The following CHSY3 variants were observed in gnomAD, a reference collection of about 807,000 sequenced individuals.
CHSY3 encodes N-acetylgalactosaminyl-proteoglycan 3-beta-glucuronosyltransferase 3.
A neutral mutation model predicts 67.2 loss-of-function variants in CHSY3; 35 were observed. That is an observed-to-expected ratio of 0.52 (90% confidence interval 0.40 to 0.69). The LOEUF is 0.69. Ranked by LOEUF, CHSY3 falls within the 30% of genes least tolerant of loss-of-function variation. The pLI is 0.00. For synonymous variants in CHSY3, 474 were observed against 434.7 expected (o/e 1.09, Z -1.12); for missense variants, 1,069 against 1,138.5 (o/e 0.94, Z 0.88).
chr5:129,924,575 G>C (rs977356602), intron 2 of CHSY3, among the ~76,000 whole-genome samples: 2 of 151,024 alleles, frequency 1.3e-5, no homozygotes, highest in Non-Finnish European at 2.9e-5. Flanking sequence ...GAACCTGGGA[G>C]GCAGAGGTTG....
rs75056997 is a variant in CHSY3, at chr5:130,120,869, C to T, written c.1087-63360C>T. Among the ~76,000 whole-genome samples the T allele has an allele frequency of 6.2e-3, 941 of 152,276 alleles. 10 individuals are homozygous for T. The highest frequency in any genetic ancestry group is 0.022 in the African/African-American group (910 of 41,546). ...AGAGCAACCAAATGTTAGAATGTGG[C>T]CTGCACACCGCTTTCCATATCCCTG... On this transcript the variant is annotated intron_variant, in intron 2 of 2. Transcript: ENST00000305031.
intron 2 of CHSY3, among the ~76,000 whole-genome samples, chr5:130,062,451 G>T (rs1295807670): frequency 1.3e-5 from 2 of 152,036 alleles, no homozygotes; most frequent in Non-Finnish European, 2.9e-5. Context: ...CAGATAAAAT[G>T]TTCACTATTT....
intron 2 of CHSY3, among the ~76,000 whole-genome samples, chr5:129,927,413 A>T (rs996772018): frequency 6.6e-6 from 1 of 152,054 alleles, no homozygotes; most frequent in Admixed American, 6.6e-5. Flanking sequence ...GTGTTTGTAG[A>T]TTAAAAAATC....
chr5:130,178,253 A>ATATATATTTTTTTT (rs1205782386), intron 2 of CHSY3, among the ~76,000 whole-genome samples: 4 of 45,914 alleles, frequency 8.7e-5, no homozygotes, highest in African/African-American at 4.1e-4. Context: ...ATATATATAT[A>ATATATATTTTTTTT]TTTTTTTTTT....
chr5:130,107,239 T>G (rs1259375119), intron 2 of CHSY3, among the ~76,000 whole-genome samples: 1 of 151,386 alleles, frequency 6.6e-6, no homozygotes, highest in East Asian at 1.9e-4. Flanking sequence ...GAAATAAAAC[T>G]GATCTAATTT....
intron 2 of CHSY3, among the ~76,000 whole-genome samples, chr5:130,046,996 A>T (rs946722161): frequency 6.6e-6 from 1 of 151,810 alleles, no homozygotes; most frequent in Non-Finnish European, 1.5e-5. Flanking sequence ...TCCTATGCTG[A>T]TGTAAATTTT....
intron 2 of CHSY3, among the ~76,000 whole-genome samples, chr5:130,075,553 A>G (rs962156845): frequency 6.6e-6 from 1 of 152,192 alleles, no homozygotes; most frequent in African/African-American, 2.4e-5. Context: ...CACATAAGAC[A>G]TTATGTAGGC....
intron 2 of CHSY3, among the ~76,000 whole-genome samples, chr5:130,116,625 G>C (rs1015277879): frequency 6.6e-6 from 1 of 152,132 alleles, no homozygotes; most frequent in African/African-American, 2.4e-5. Flanking sequence ...AGCGATTCCT[G>C]ATTCATTAGT....
intron 2 of CHSY3, among the ~76,000 whole-genome samples, chr5:130,101,248 A>T (rs1767233674): frequency 6.6e-6 from 1 of 152,176 alleles, no homozygotes; most frequent in South Asian, 2.1e-4. Context: ...GTCAAAGAGC[A>T]ATCACGATCA....
intron 1 of CHSY3, 31 bp downstream of exon 1, chr5:129,905,662 C>T: frequency 6.2e-7 from 1 of 1,604,468 alleles, no homozygotes. Flanking sequence ...TTCCAGCCTG[C>T]CAGTCTCCCC....
At chr5:130,047,932 A>T (rs1413720085) in intron 2 of CHSY3, among the ~76,000 whole-genome samples, 1 of 147,490 alleles carries the variant, frequency 6.8e-6, no homozygotes, top group Non-Finnish European at 1.5e-5. Flanking sequence ...TGTACATCTT[A>T]GGAGTATCAA....
At chr5:130,077,154 G>A (rs1580710265) in intron 2 of CHSY3, among the ~76,000 whole-genome samples, 2 of 151,272 alleles carry the variant, frequency 1.3e-5, no homozygotes, top group African/African-American at 2.4e-5. Flanking sequence ...TGTAAACTAC[G>A]AAAGAGAGTG....
chr5:130,089,617 A>T (rs540706195), intron 2 of CHSY3, among the ~76,000 whole-genome samples: 4 of 152,232 alleles, frequency 2.6e-5, no homozygotes, highest in Admixed American at 6.5e-5. Context: ...TATTTGTTAA[A>T]TTGCTGTTAG....
chr5:129,905,711 C>G, intron 1 of CHSY3, 80 bp downstream of exon 1: 1 of 1,547,440 alleles, frequency 6.5e-7, no homozygotes, highest in South Asian at 1.2e-5. Flanking sequence ...CCCTGCCCAG[C>G]CCCTCCGCTG....
chr5:129,966,727 G>T (rs1762478033), intron 2 of CHSY3, among the ~76,000 whole-genome samples: 1 of 151,618 alleles, frequency 6.6e-6, no homozygotes, highest in Non-Finnish European at 1.5e-5. Flanking sequence ...TCCAGTGTCT[G>T]CTCGAAGGAA....
At chr5:130,096,622 GT>G (rs1003943741) in intron 2 of CHSY3, among the ~76,000 whole-genome samples, 7 of 151,700 alleles carry the variant, frequency 4.6e-5, no homozygotes, top group African/African-American at 1.2e-4. Context: ...TCAAAATAAA[GT>G]TTTTTTTTAA....
chr5:129,990,377 A>AGTGTGTGT (rs34958818), intron 2 of CHSY3, among the ~76,000 whole-genome samples: 4,722 of 147,536 alleles, frequency 0.032, 251 homozygotes, highest in African/African-American at 0.11. Flanking sequence ...TGAGTGAGTG[A>AGTGTGTGT]GTGTGTGTGT....
intron 2 of CHSY3, among the ~76,000 whole-genome samples, chr5:130,030,606 T>C (rs766828916): frequency 6.6e-5 from 10 of 152,148 alleles, no homozygotes; most frequent in African/African-American, 9.7e-5. Context: ...CAATAGAGGT[T>C]TTTAAATACT....
chr5:130,123,415 C>G (rs565494084), intron 2 of CHSY3, among the ~76,000 whole-genome samples: 1 of 152,280 alleles, frequency 6.6e-6, no homozygotes, highest in East Asian at 1.9e-4. Context: ...TATTCCACCT[C>G]AAGCATTAGA....
Sources: gnomAD v4.1 joint callset for allele counts (sites outside exome capture counted in the v4.1 genomes callset) on GRCh38, gnomAD v4.1.1 for gene constraint, MANE v1.5 for transcripts, NCBI Gene and HGNC (gene_info 2026-07-23, HGNC 2026-07-21) for gene names.